Variants in POLR3B observed in about 807,000 individuals in gnomAD.
POLR3B encodes the protein RNA polymerase III subunit B.
A neutral mutation model predicts 147.4 loss-of-function variants in POLR3B; 96 were observed. The observed-to-expected ratio is 0.65, with a 90% confidence interval of 0.55 to 0.77. The LOEUF is 0.77. POLR3B is among the 30% of genes least tolerant of loss of function. POLR3B has a pLI of 0.00. For missense variants in POLR3B, 1,036 were observed against 1,413.5 expected (o/e 0.73, Z 4.28); for synonymous variants, 461 against 485.9 (o/e 0.95, Z 0.67).
chr12:106,429,408 GAATTATAGGCGTGAGCCA>G (rs1481994047), intron 13 of POLR3B, among the ~76,000 whole-genome samples: 1 of 152,100 alleles, frequency 6.6e-6, no homozygotes, highest in Non-Finnish European at 1.5e-5. Context: ...CAAAGTGCTG[GAATTATAGGCGTGAGCCA>G]ACACACCCGG....
intron 19 of POLR3B, among the ~76,000 whole-genome samples, chr12:106,450,647 ATACTAC>A (rs1463672433): frequency 2.0e-5 from 3 of 152,192 alleles, no homozygotes; most frequent in Non-Finnish European, 2.9e-5. Flanking sequence ...CCCCTATAAG[ATACTAC>A]TACACACTCA....
chr12:106,435,144 T>C (rs1033865644), intron 16 of POLR3B, among the ~76,000 whole-genome samples: 16 of 152,122 alleles, frequency 1.1e-4, no homozygotes, highest in African/African-American at 3.6e-4. Context: ...TTTTTTTTTT[T>C]TGAGACAGAG....
intron 12 of POLR3B, among the ~76,000 whole-genome samples, chr12:106,426,838 G>T (rs1165956966): frequency 0.038 from 446 of 11,742 alleles, 3 homozygotes; most frequent in Non-Finnish European, 0.051. Context: ...CTTCTCCACC[G>T]TCCCCCCCCC....
intron 6 of POLR3B, among the ~76,000 whole-genome samples, chr12:106,373,828 A>T (rs901956933): frequency 2.6e-5 from 4 of 152,142 alleles, no homozygotes; most frequent in South Asian, 2.1e-4. Context: ...TAGATTTTTT[A>T]AAAAATTGTC....
At chr12:106,477,517 C>T (rs1205128171) in intron 23 of POLR3B, among the ~76,000 whole-genome samples, 1 of 150,726 alleles carries the variant, frequency 6.6e-6, no homozygotes, top group African/African-American at 2.5e-5. Context: ...ATCAGCGAGA[C>T]TCCGTGGGCG....
chr12:106,493,860 G>C (rs146237816), intron 23 of POLR3B, among the ~76,000 whole-genome samples: 1 of 152,202 alleles, frequency 6.6e-6, no homozygotes, highest in Admixed American at 6.5e-5. Flanking sequence ...AGGGCTGTCT[G>C]CTATGGGAAC....
chr12:106,462,260 C>T (rs10861610), intron 22 of POLR3B, among the ~76,000 whole-genome samples: 38,068 of 151,808 alleles, frequency 0.25, 5,411 homozygotes, highest in African/African-American at 0.38. Context: ...GTGATTTTTT[C>T]TTTTTGAGAC....
chr12:106,402,768 G>A (rs2136927915), intron 10 of POLR3B, among the ~76,000 whole-genome samples: 1 of 152,318 alleles, frequency 6.6e-6, no homozygotes, highest in South Asian at 2.1e-4. Context: ...GTAGAAAGCT[G>A]AAACTGGATC....
At chr12:106,420,594 A>T (rs959655059) in intron 12 of POLR3B, among the ~76,000 whole-genome samples, 2 of 152,176 alleles carry the variant, frequency 1.3e-5, no homozygotes, top group Non-Finnish European at 2.9e-5. Context: ...TCCAGAATTT[A>T]TGATTATTAT....
intron 20 of POLR3B, among the ~76,000 whole-genome samples, chr12:106,455,179 T>C (rs1156236087): frequency 6.6e-6 from 1 of 152,222 alleles, no homozygotes; most frequent in Non-Finnish European, 1.5e-5. Context: ...AAGTTAAAAA[T>C]ACACGGCCAC....
At chr12:106,500,773 C>T (rs377507378) in intron 25 of POLR3B, among the ~76,000 whole-genome samples, 32 of 152,052 alleles carry the variant, frequency 2.1e-4, no homozygotes, top group African/African-American at 6.0e-4. Flanking sequence ...GAGTGACTGG[C>T]GGGACACTGG....
intron 8 of POLR3B, among the ~76,000 whole-genome samples, chr12:106,379,701 A>G (rs1394399824): frequency 6.6e-6 from 1 of 152,186 alleles, no homozygotes; most frequent in Non-Finnish European, 1.5e-5. Flanking sequence ...CATATATAAA[A>G]TTGGCCTTGT....
intron 6 of POLR3B, among the ~76,000 whole-genome samples, chr12:106,370,623 G>GTTTTTTTTT (rs2036591764): frequency 2.1e-5 from 3 of 140,370 alleles, no homozygotes; most frequent in African/African-American, 7.9e-5. Flanking sequence ...TGTTTTTTTT[G>GTTTTTTTTT]TTTTATTGTT....
rs184224302 is a variant in POLR3B, at chr12:106,358,475, G to C, written c.72+524G>C. On this transcript the variant is annotated intron_variant, in intron 1 of 27. Coordinates refer to ENST00000228347, the MANE Select transcript of POLR3B (RefSeq NM_018082.6). ...TAAAGAATTTGCCTGTGTGTTTTCTGGGGGAGAGACTCCACAGCTTTCATC... is the reference window on the plus strand; with the variant it reads ...TAAAGAATTTGCCTGTGTGTTTTCTCGGGGAGAGACTCCACAGCTTTCATC... Among the ~76,000 whole-genome samples, 34 of 152,282 alleles carry C rather than the reference G, an allele frequency of 2.2e-4. No individual in the cohort carries two copies. In the East Asian group the frequency reaches 5.2e-3, roughly 23 times the overall value.
At chr12:106,480,397 G>A (rs1304993530) in intron 23 of POLR3B, among the ~76,000 whole-genome samples, 1 of 152,162 alleles carries the variant, frequency 6.6e-6, no homozygotes, top group Non-Finnish European at 1.5e-5. Context: ...CAACATACTA[G>A]GATCTTTCTA....
At chr12:106,476,658 T>G (rs2038174960) in intron 23 of POLR3B, among the ~76,000 whole-genome samples, 1 of 148,498 alleles carries the variant, frequency 6.7e-6, no homozygotes, top group South Asian at 2.2e-4. Flanking sequence ...GTTGATCGCA[T>G]CAGCTCCTGA....
intron 6 of POLR3B, among the ~76,000 whole-genome samples, chr12:106,370,043 A>G (rs942945440): frequency 3.9e-5 from 6 of 152,146 alleles, no homozygotes; most frequent in Admixed American, 1.3e-4. Context: ...CTCATCTACA[A>G]GTATTTAAGG....
chr12:106,430,407 T>C lies in POLR3B; in HGVS notation c.1398T>C (p.Ser466=), dbSNP rs1207088693. 2.5e-6 allele frequency: 4 copies of C among 1,613,588 alleles called. No individual in the cohort carries two copies. In the East Asian group the frequency reaches 6.7e-5, roughly 27 times the overall value. ...SSQFEKTRKV[S]GPRSLQPSQW... ...AGTTTGAAAAAACGAGAAAAGTGAG[T>C]GGTCCTCGCTCCCTCCAGCCATCTC... Residue 466 remains serine (S), a synonymous_variant, in exon 14 of 28, where the codon AGT becomes AGC. Coordinates refer to ENST00000228347, the MANE Select transcript of POLR3B (RefSeq NM_018082.6).
intron 11 of POLR3B, 183 bp from the exon 12 acceptor site, chr12:106,410,643 A>G: frequency 1.6e-6 from 1 of 626,396 alleles, no homozygotes; most frequent in Non-Finnish European, 2.8e-6. Context: ...ACTGAGGACA[A>G]TGATGAAAAG....
Sources: allele counts gnomAD v4.1 joint callset (sites outside exome capture counted in the v4.1 genomes callset), GRCh38; gene constraint gnomAD v4.1.1; transcripts MANE v1.5; gene names NCBI Gene and HGNC (gene_info 2026-07-23, HGNC 2026-07-21).